Variants in EXOC6B observed in about 807,000 individuals in gnomAD.
The protein encoded by EXOC6B is SEC15 homolog B.
EXOC6B carries 54 observed loss-of-function variants against 113.5 expected under a neutral mutation model. The ratio of observed to expected loss-of-function variants is 0.48; its 90% CI spans 0.38 to 0.60. The LOEUF (loss-of-function observed/expected upper bound fraction) is 0.60, where lower values mean the gene tolerates loss of function less well. Among genes scored for constraint, EXOC6B ranks in the 20% least tolerant of loss-of-function variants. The pLI, the probability that EXOC6B is intolerant of heterozygous loss-of-function variation, is 0.00. For synonymous variants in EXOC6B, 357 were observed against 339.0 expected (o/e 1.05, Z -0.58); for missense variants, 797 against 977.5 (o/e 0.82, Z 2.46).
At chr2:72,464,856 A>G in intron 18 of EXOC6B, 1 of 351,104 alleles carries the variant, frequency 2.8e-6, no homozygotes, top group Non-Finnish European at 5.1e-6. Flanking sequence ...AATTCTAACT[A>G]AGTTTCTTTT....
chr2:72,467,203 A>G (rs1318979301), intron 17 of EXOC6B, among the ~76,000 whole-genome samples: 1 of 152,164 alleles, frequency 6.6e-6, no homozygotes, highest in Non-Finnish European at 1.5e-5. Flanking sequence ...CATTCTGTAT[A>G]CATACTACAT....
intron 20 of EXOC6B, among the ~76,000 whole-genome samples, chr2:72,271,290 C>T (rs549843923): frequency 2.0e-5 from 3 of 152,258 alleles, no homozygotes; most frequent in Non-Finnish European, 2.9e-5. Context: ...AGTGAATATT[C>T]TGACTACTTG....
At chr2:72,299,426 CT>C (rs939535446) in intron 20 of EXOC6B, among the ~76,000 whole-genome samples, 6 of 151,790 alleles carry the variant, frequency 4.0e-5, no homozygotes, top group African/African-American at 1.5e-4. Flanking sequence ...TTCATCTAAC[CT>C]TTTTTTAAGG....
chr2:72,397,169 C>T (rs1692781616), intron 18 of EXOC6B, among the ~76,000 whole-genome samples: 1 of 152,108 alleles, frequency 6.6e-6, no homozygotes, highest in Non-Finnish European at 1.5e-5. Flanking sequence ...CCTCTTCCTT[C>T]TTTCCTTCTT....
At chr2:72,519,342 T>C (rs1701372349) in intron 8 of EXOC6B, among the ~76,000 whole-genome samples, 2 of 152,272 alleles carry the variant, frequency 1.3e-5, no homozygotes, top group African/African-American at 2.4e-5. Context: ...CCCCCAACCA[T>C]AGTACCAACG....
intron 6 of EXOC6B, among the ~76,000 whole-genome samples, chr2:72,650,462 A>T (rs1480961602): frequency 6.6e-6 from 1 of 152,130 alleles, no homozygotes; most frequent in Non-Finnish European, 1.5e-5. Flanking sequence ...CTAGCCGGGC[A>T]TGGTGGCATA....
At chr2:72,245,630 G>A (rs1169729160) in intron 20 of EXOC6B, among the ~76,000 whole-genome samples, 1 of 152,186 alleles carries the variant, frequency 6.6e-6, no homozygotes, top group African/African-American at 2.4e-5. Context: ...GAAGACAGTA[G>A]TTGCCAGGGG....
At chr2:72,431,540 A>T (rs1180585669) in intron 18 of EXOC6B, among the ~76,000 whole-genome samples, 1 of 105,874 alleles carries the variant, frequency 9.4e-6, no homozygotes, top group Non-Finnish European at 2.0e-5. Flanking sequence ...TATCTATCTA[A>T]GACCAGGTCT....
chr2:72,668,607 T>C (rs931394268), intron 6 of EXOC6B, among the ~76,000 whole-genome samples: 4 of 152,100 alleles, frequency 2.6e-5, no homozygotes, highest in African/African-American at 9.7e-5. Context: ...CAAAATTATA[T>C]CCTTTGCAGC....
At chr2:72,594,340 TGGA>T (rs1043292171) in intron 6 of EXOC6B, among the ~76,000 whole-genome samples, 4 of 151,930 alleles carry the variant, frequency 2.6e-5, no homozygotes, top group East Asian at 3.9e-4. Flanking sequence ...CTTCAGAAAA[TGGA>T]GGAGAACAGG....
Position 72,734,345 on chromosome 2 carries a change from C to T in EXOC6B, c.280-1227G>A, listed in dbSNP as rs186627153. 5.6e-4 allele frequency among the ~76,000 whole-genome samples: 86 copies of T among 152,260 alleles called. 3 individuals are homozygous for T. The East Asian group carries it at 0.011, about 20-fold the overall frequency. ...CCTCTTTATTATTTAATTAATGGCA[C>T]CACATGTGAAACACTTTGTGGTTTT... On this transcript the variant is annotated intron_variant, in intron 2 of 21. Coordinates refer to ENST00000272427, the MANE Select transcript of EXOC6B (RefSeq NM_015189.3).
chr2:72,316,549 T>G lies in EXOC6B; in HGVS notation c.2196+18398A>C, dbSNP rs1687525035. On this transcript the variant is annotated intron_variant, in intron 20 of 21. Coordinates refer to ENST00000272427, the MANE Select transcript of EXOC6B (RefSeq NM_015189.3). ...AGTAGGAGGAAAATGATGAATCTAT[T>G]TGTGGGAGTTTGAGTACAAATATTA... Among the ~76,000 whole-genome samples the G allele has an allele frequency of 2.0e-5, 3 of 152,212 alleles. No individual in the cohort carries two copies. The South Asian group carries it at 6.2e-4, about 31-fold the overall frequency.
chr2:72,718,347 C>A (rs747687713), intron 5 of EXOC6B, 40 bp from the exon 6 acceptor site: 5 of 1,577,822 alleles, frequency 3.2e-6, no homozygotes, highest in Non-Finnish European at 4.3e-6. Context: ...ACTCAGTTTT[C>A]TTTAGGGTTA....
At chr2:72,495,635 A>G (rs556338503) in intron 14 of EXOC6B, 96 bp from the exon 15 acceptor site, 2 of 694,466 alleles carry the variant, frequency 2.9e-6, no homozygotes, top group South Asian at 3.6e-5. Flanking sequence ...ATTCTTTCAC[A>G]TTGTGAATTG....
chr2:72,316,857 G>T (rs555710968), intron 20 of EXOC6B, among the ~76,000 whole-genome samples: 1 of 152,310 alleles, frequency 6.6e-6, no homozygotes, highest in Non-Finnish European at 1.5e-5. Flanking sequence ...AGGTTGTGAA[G>T]GATTTATAAA....
chr2:72,354,924 G>T (rs544267107), intron 19 of EXOC6B, among the ~76,000 whole-genome samples: 52 of 152,322 alleles, frequency 3.4e-4, no homozygotes, highest in Middle Eastern at 3.4e-3. Flanking sequence ...CACCATTTTA[G>T]ATCTAAGGAT....
intron 20 of EXOC6B, among the ~76,000 whole-genome samples, chr2:72,276,628 G>A (rs1417572929): frequency 6.6e-6 from 1 of 152,096 alleles, no homozygotes; most frequent in Non-Finnish European, 1.5e-5. Context: ...CACTCACACT[G>A]TGTGAAGTGA....
chr2:72,238,342 A>G (rs1682091396), intron 20 of EXOC6B, among the ~76,000 whole-genome samples: 1 of 152,190 alleles, frequency 6.6e-6, no homozygotes, highest in Non-Finnish European at 1.5e-5. Flanking sequence ...TTTGTTGGCT[A>G]TTATAAATAA....
chr2:72,772,214 A>G (rs1057502625), intron 1 of EXOC6B, among the ~76,000 whole-genome samples: 1 of 152,120 alleles, frequency 6.6e-6, no homozygotes. Context: ...CCCCAGCCCC[A>G]GGCCTCCCCA....
Sources: gnomAD v4.1 joint callset for allele counts (sites outside exome capture counted in the v4.1 genomes callset) on GRCh38, gnomAD v4.1.1 for gene constraint, MANE v1.5 for transcripts, NCBI Gene and HGNC (gene_info 2026-07-23, HGNC 2026-07-21) for gene names.